The following DPYD variants were observed in gnomAD, a reference collection of about 807,000 sequenced individuals.
The protein encoded by DPYD is dihydropyrimidine dehydrogenase [NADP(+)].
Under a neutral mutation model 116.2 loss-of-function variants are expected in DPYD, and 109 were observed. That is an observed-to-expected ratio of 0.94 (90% CI 0.80 to 1.10). The LOEUF (loss-of-function observed/expected upper bound fraction) is 1.10, where lower values mean the gene tolerates loss of function less well. Among genes scored for constraint, DPYD ranks in the 50% least tolerant of loss-of-function variants. The pLI, the probability that DPYD is intolerant of heterozygous loss-of-function variation, is 0.00. For missense variants in DPYD, 1,302 were observed against 1,254.5 expected (o/e 1.04, Z -0.57); for synonymous variants, 440 against 432.0 (o/e 1.02, Z -0.23).
intron 19 of DPYD, among the ~76,000 whole-genome samples, chr1:97,205,035 A>T (rs1156998300): frequency 6.6e-6 from 1 of 152,082 alleles, no homozygotes; most frequent in East Asian, 1.9e-4. Flanking sequence ...TTACAGAATA[A>T]TTGGGCAGAT....
At chr1:97,905,440 T>C (rs1344934232) in intron 1 of DPYD, among the ~76,000 whole-genome samples, 1 of 152,040 alleles carries the variant, frequency 6.6e-6, no homozygotes, top group African/African-American at 2.4e-5. Flanking sequence ...CACATCTAAA[T>C]GTATACAGAC....
chr1:97,320,547 AG>A (rs1668187811), intron 16 of DPYD, among the ~76,000 whole-genome samples: 1 of 58,420 alleles, frequency 1.7e-5, no homozygotes, highest in Non-Finnish European at 3.7e-5. Context: ...GACCTCTTCA[AG>A]GAGAACTACA....
chr1:97,641,678 G>C (rs1346042953), intron 8 of DPYD, among the ~76,000 whole-genome samples: 8 of 152,126 alleles, frequency 5.3e-5, no homozygotes, highest in African/African-American at 1.9e-4. Flanking sequence ...CATTCCCTTT[G>C]AAAACCAGTA....
chr1:97,806,189 A>G (rs1295835710), intron 3 of DPYD, among the ~76,000 whole-genome samples: 2 of 151,954 alleles, frequency 1.3e-5, no homozygotes, highest in African/African-American at 4.8e-5. Flanking sequence ...ACATGCAGGG[A>G]CAAAAATCAA....
At chr1:97,249,141 A>G (rs1409401203) in intron 18 of DPYD, among the ~76,000 whole-genome samples, 1 of 152,214 alleles carries the variant, frequency 6.6e-6, no homozygotes, top group Non-Finnish European at 1.5e-5. Context: ...AGATTAGCAA[A>G]AACAATCAGG....
chr1:97,442,504 G>A (rs1675854362), intron 14 of DPYD, among the ~76,000 whole-genome samples: 1 of 151,586 alleles, frequency 6.6e-6, no homozygotes, highest in Non-Finnish European at 1.5e-5. Context: ...CTTGTTTTGT[G>A]AAATTAAATA....
At chr1:97,850,732 T>A in intron 2 of DPYD, among the ~76,000 whole-genome samples, 1 of 144,984 alleles carries the variant, frequency 6.9e-6, no homozygotes, top group African/African-American at 2.6e-5. Flanking sequence ...GGTCACCTAT[T>A]TTTTCCAACT....
chr1:97,882,218 C>T (rs969556513), intron 2 of DPYD, among the ~76,000 whole-genome samples: 1 of 151,914 alleles, frequency 6.6e-6, no homozygotes, highest in Non-Finnish European at 1.5e-5. Context: ...ACAAGAAAAA[C>T]TGAATTCAAA....
At chr1:97,488,594 A>C (rs183994691) in intron 13 of DPYD, among the ~76,000 whole-genome samples, 16 of 152,294 alleles carry the variant, frequency 1.1e-4, no homozygotes, top group African/African-American at 3.8e-4. Context: ...ACTAGGTAAC[A>C]CTGAGGTAGG....
intron 1 of DPYD, among the ~76,000 whole-genome samples, chr1:97,913,395 T>G (rs1674061523): frequency 6.6e-6 from 1 of 152,138 alleles, no homozygotes; most frequent in South Asian, 2.1e-4. Context: ...TGCCATATTT[T>G]ATTTCAAACC....
intron 13 of DPYD, among the ~76,000 whole-genome samples, chr1:97,512,089 G>A (rs79192556): frequency 0.016 from 2,378 of 151,878 alleles, 28 homozygotes; most frequent in Non-Finnish European, 0.026. Flanking sequence ...AAATAAACTC[G>A]ATATGCTCTT....
intron 2 of DPYD, among the ~76,000 whole-genome samples, chr1:97,843,142 C>T (rs936391628): frequency 1.4e-4 from 22 of 152,078 alleles, no homozygotes; most frequent in African/African-American, 3.9e-4. Flanking sequence ...TTTATACAGA[C>T]GCCTATCTCA....
chr1:97,346,808 C>T (rs1213105035), intron 16 of DPYD, among the ~76,000 whole-genome samples: 1 of 151,822 alleles, frequency 6.6e-6, no homozygotes, highest in Non-Finnish European at 1.5e-5. Context: ...TCAATTTATC[C>T]AACTGTGTGT....
chr1:97,916,960 G>A (rs1232478292), intron 1 of DPYD, among the ~76,000 whole-genome samples: 1 of 152,058 alleles, frequency 6.6e-6, no homozygotes, highest in Non-Finnish European at 1.5e-5. Flanking sequence ...CAGATAATCA[G>A]ACACATTTCT....
chr1:97,538,955 C>G (rs183865044), intron 12 of DPYD, among the ~76,000 whole-genome samples: 123 of 152,110 alleles, frequency 8.1e-4, no homozygotes, highest in African/African-American at 2.7e-3. Context: ...AACACCTTAA[C>G]GTGGACACTT....
intron 14 of DPYD, among the ~76,000 whole-genome samples, chr1:97,382,792 T>C (rs1032667149): frequency 1.3e-5 from 2 of 152,122 alleles, no homozygotes; most frequent in Non-Finnish European, 2.9e-5. Flanking sequence ...GCAATGTAAA[T>C]ACATGCATGT....
intron 18 of DPYD, among the ~76,000 whole-genome samples, chr1:97,252,478 G>A (rs1663164041): frequency 6.6e-6 from 1 of 152,130 alleles, no homozygotes; most frequent in Admixed American, 6.6e-5. Flanking sequence ...GTTGACATAA[G>A]TGTCTCATCG....
rs74106280 is a variant in DPYD, at chr1:97,878,062, C to T, written c.150+5202G>A. Among the ~76,000 whole-genome samples, 848 of 152,024 alleles carry T rather than the reference C, an allele frequency of 5.6e-3. 9 individuals carry two copies. Among genetic ancestry groups the T allele is most frequent in the African/African-American group, 0.02 (820 of 41,510 alleles). On this transcript the variant is annotated intron_variant, in intron 2 of 22. Coordinates refer to ENST00000370192, the MANE Select transcript of DPYD (RefSeq NM_000110.4). Reference sequence around the variant, plus strand: ...TAATCTATCCTTCCTCCATGGAAGTCCCCTACTATGCTCTTGTGGTTCTCA... The same window carrying T: ...TAATCTATCCTTCCTCCATGGAAGTTCCCTACTATGCTCTTGTGGTTCTCA...
At chr1:97,323,124 T>C (rs936608895) in intron 16 of DPYD, among the ~76,000 whole-genome samples, 1 of 150,312 alleles carries the variant, frequency 6.7e-6, no homozygotes, top group East Asian at 2.0e-4. Context: ...TGCATATATA[T>C]GTGTGTGTGT....
Sources: gnomAD v4.1 joint callset for allele counts (sites outside exome capture counted in the v4.1 genomes callset) on GRCh38, gnomAD v4.1.1 for gene constraint, MANE v1.5 for transcripts, NCBI Gene and HGNC (gene_info 2026-07-23, HGNC 2026-07-21) for gene names.